The following CLNK variants were observed in gnomAD, a reference collection of about 807,000 sequenced individuals.
CLNK encodes the protein cytokine-dependent hematopoietic cell linker.
In CLNK, 74 loss-of-function variants were observed where a neutral mutation model predicts 68.6. The ratio of observed to expected loss-of-function variants is 1.08; its 90% confidence interval spans 0.89 to 1.31. The LOEUF is 1.31. CLNK is among the 50% of genes most tolerant of loss of function. The pLI is 0.00. For missense variants in CLNK, 553 were observed against 515.3 expected, an observed-to-expected ratio of 1.07 and a Z score of -0.71; for synonymous variants, 198 against 172.2, an observed-to-expected ratio of 1.15 and a Z score of -1.17.
intron 8 of CLNK, 24 bp downstream of exon 8, chr4:10,558,383 A>C: frequency 3.1e-6 from 5 of 1,609,558 alleles, no homozygotes; most frequent in Non-Finnish European, 4.3e-6. Flanking sequence ...CTTACATTTT[A>C]AACTTCGATT....
intron 2 of CLNK, among the ~76,000 whole-genome samples, chr4:10,613,188 G>A (rs1049125957): frequency 6.6e-6 from 1 of 152,148 alleles, no homozygotes; most frequent in African/African-American, 2.4e-5. Flanking sequence ...GGTATAGCAT[G>A]TTAGCAGGTG....
At chr4:10,702,587 G>A in the CLNK span, among the ~76,000 whole-genome samples, 1 of 152,214 alleles carries the variant, frequency 6.6e-6, no homozygotes, top group African/African-American at 2.4e-5. Context: ...TTATAGAATA[G>A]TGACATGTAT....
At chr4:10,501,462 C>A in intron 17 of CLNK, 51 bp from the exon 18 acceptor site, 1 of 1,557,812 alleles carries the variant, frequency 6.4e-7, no homozygotes, top group East Asian at 2.3e-5. Flanking sequence ...AGCATTCTGC[C>A]CTTGTAATGG....
intron 2 of CLNK, among the ~76,000 whole-genome samples, chr4:10,605,327 C>A (rs1026438926): frequency 2.6e-5 from 4 of 152,082 alleles, no homozygotes; most frequent in African/African-American, 9.7e-5. Context: ...GTGTGAACAT[C>A]GTAGAGTGTA....
intron 5 of CLNK, among the ~76,000 whole-genome samples, chr4:10,571,229 G>T (rs1296221737): frequency 1.3e-5 from 2 of 151,222 alleles, no homozygotes; most frequent in African/African-American, 4.9e-5. Context: ...CTGAGGAATT[G>T]GAATATAGTT....
At chr4:10,598,381 T>C (rs1316076778) in intron 2 of CLNK, among the ~76,000 whole-genome samples, 1 of 152,210 alleles carries the variant, frequency 6.6e-6, no homozygotes. Context: ...TCTGCCAGTA[T>C]CTGTCTCTTC....
chr4:10,613,672 C>A (rs1468568502), intron 2 of CLNK, among the ~76,000 whole-genome samples: 1 of 152,022 alleles, frequency 6.6e-6, no homozygotes, highest in East Asian at 1.9e-4. Context: ...GCAGAGAGAC[C>A]CTTTGGGAAG....
At chr4:10,673,421 A>G (rs537292971) in intron 1 of CLNK, among the ~76,000 whole-genome samples, 21 of 152,230 alleles carry the variant, frequency 1.4e-4, no homozygotes, top group African/African-American at 4.6e-4. Flanking sequence ...AATAGGACAA[A>G]TGTCCATCAG....
At chr4:10,633,071 G>A (rs964284620) in intron 2 of CLNK, among the ~76,000 whole-genome samples, 1 of 152,138 alleles carries the variant, frequency 6.6e-6, no homozygotes, top group Non-Finnish European at 1.5e-5. Context: ...CTGAGTATCT[G>A]GGATTACAGG....
chr4:10,640,596 A>G (rs775026105), intron 2 of CLNK, among the ~76,000 whole-genome samples: 7 of 152,228 alleles, frequency 4.6e-5, no homozygotes, highest in South Asian at 2.1e-4. Flanking sequence ...AGGAAACCGC[A>G]TGAACATTCT....
At chr4:10,552,773 A>G (rs971937849) in intron 8 of CLNK, among the ~76,000 whole-genome samples, 4 of 152,090 alleles carry the variant, frequency 2.6e-5, no homozygotes, top group Non-Finnish European at 5.9e-5. Flanking sequence ...CCTCGTGTCT[A>G]TTAAACTCTT....
the CLNK span, among the ~76,000 whole-genome samples, chr4:10,715,294 T>C: frequency 1.3e-5 from 2 of 152,200 alleles, no homozygotes; most frequent in Non-Finnish European, 2.9e-5. Context: ...ATTATGACAT[T>C]TACCATGGGG....
rs187317008 is a variant in CLNK, at chr4:10,512,263, C to A, written c.906+1201G>T. The stretch of plus-strand genomic sequence containing the variant: ...TTTTTTTTTTTGTGATGAAGTCTAG[C>A]TCTGTTGCCCAGGCTGGAGTGCAGT... On this transcript the variant is annotated intron_variant, in intron 16 of 18. Transcript: ENST00000226951. Among the ~76,000 whole-genome samples the A allele has an allele frequency of 2.4e-3, 356 of 150,686 alleles. 1 individual carries two copies. The highest frequency in any genetic ancestry group is 5.8e-3 in the African/African-American group (239 of 41,034).
intron 2 of CLNK, among the ~76,000 whole-genome samples, chr4:10,616,001 G>T (rs2720372): frequency 0.7 from 105,801 of 152,140 alleles, 37,654 homozygotes; most frequent in East Asian, 0.77. Context: ...AATTTTGCAC[G>T]CCAGTTGTTA....
intron 17 of CLNK, among the ~76,000 whole-genome samples, chr4:10,504,059 G>A (rs929770345): frequency 6.7e-6 from 1 of 150,112 alleles, no homozygotes; most frequent in Admixed American, 6.6e-5. Flanking sequence ...GGGATTATAC[G>A]TGTGAGCCAT....
the CLNK span, among the ~76,000 whole-genome samples, chr4:10,703,685 G>T: frequency 1.3e-5 from 2 of 152,078 alleles, no homozygotes; most frequent in Non-Finnish European, 2.9e-5. Context: ...AAACCTAGTT[G>T]GTATAGCCTA....
chr4:10,726,354 C>T, the CLNK span, among the ~76,000 whole-genome samples: 134 of 152,222 alleles, frequency 8.8e-4, no homozygotes, highest in South Asian at 6.0e-3. Context: ...CTCTTGACCT[C>T]GTGATTCACC....
Position 10,532,130 on chromosome 4 carries a change from C to T in CLNK, c.630+126G>A, listed in dbSNP as rs1416818266. On this transcript the variant is annotated intron_variant, in intron 12 of 18. Coordinates refer to ENST00000226951, the MANE Select transcript of CLNK (RefSeq NM_052964.4). ...TATCTTTAAAATAGAGATACTAATGCATTTTGAGCATAGCTATTGTGAGAA... is the reference window on the plus strand; with the variant it reads ...TATCTTTAAAATAGAGATACTAATGTATTTTGAGCATAGCTATTGTGAGAA... 8 of 748,606 alleles carry T rather than the reference C, an allele frequency of 1.1e-5. 1 individual carries two copies. In the African/African-American group the frequency reaches 1.4e-4, roughly 13 times the overall value. 46.4% of individuals were successfully genotyped at this position (748,606 alleles called of 1,614,324 possible). A position where few individuals can be genotyped will look rare whatever the true frequency, so the allele number is the denominator to read the frequency against.
chr4:10,543,733 A>G (rs1719124560), intron 8 of CLNK, among the ~76,000 whole-genome samples: 1 of 152,250 alleles, frequency 6.6e-6, no homozygotes, highest in Non-Finnish European at 1.5e-5. Context: ...ATTACTTCAA[A>G]GAATAAGAAT....
Sources: allele counts gnomAD v4.1 joint callset (sites outside exome capture counted in the v4.1 genomes callset), GRCh38; gene constraint gnomAD v4.1.1; transcripts MANE v1.5; gene names NCBI Gene and HGNC (gene_info 2026-07-23, HGNC 2026-07-21).